The following HUWE1 variants were observed in gnomAD, a reference collection of about 807,000 sequenced individuals.
HUWE1 encodes the protein E3 ubiquitin-protein ligase HUWE1.
HUWE1 carries 18 observed loss-of-function variants against 299.4 expected under a neutral mutation model. The observed-to-expected ratio is 0.06, with a 90% CI of 0.04 to 0.09. HUWE1 has a LOEUF of 0.09. HUWE1 is among the 10% of genes least tolerant of loss of function. The pLI, the probability that HUWE1 is intolerant of heterozygous loss-of-function variation, is 1.00. For missense variants in HUWE1, 1,832 were observed against 3,462.3 expected (o/e 0.53, Z 11.82); for synonymous variants, 1,317 against 1,286.1 (o/e 1.02, Z -0.51).
Position 53,551,428 on chromosome X carries a change from A to C in HUWE1, c.8934T>G (p.Asp2978Glu). The change falls in exon 64 of 84, where the codon GAT (aspartate) becomes GAG (glutamate). Residue 2978 changes from aspartate to glutamate, a missense_variant. Coordinates refer to ENST00000262854, the MANE Select transcript of HUWE1 (RefSeq NM_031407.7). ...VDPSFLAALP[D>E]DIRREVLQNQ... ...TCTGTAGAACTTCCCGACGGATGTCATCAGGCAGGGCAGCCAGAAAAGAGG... is the reference window on the plus strand; with the variant it reads ...TCTGTAGAACTTCCCGACGGATGTCCTCAGGCAGGGCAGCCAGAAAAGAGG... The C allele has an allele frequency of 8.3e-7, 1 of 1,208,404 alleles. No homozygotes were observed. The highest frequency in any genetic ancestry group is 1.1e-6 in the Non-Finnish European group (1 of 893,709).
intron 3 of HUWE1, among the ~76,000 whole-genome samples, chrX:53,655,615 A>G (rs1235037593): frequency 1.8e-5 from 2 of 112,044 alleles, no homozygotes; most frequent in Admixed American, 9.4e-5. Context: ...AATCCTGTCC[A>G]TGTGGTGGAA....
Position 53,592,755 on chromosome X carries a change from T to C in HUWE1, c.3742-127A>G, listed in dbSNP as rs782562465. The C allele has an allele frequency of 7.5e-6, 4 of 533,097 alleles. No homozygotes were observed. In the East Asian group the frequency reaches 1.4e-4, roughly 19 times the overall value. The allele number at this position is 533,097 out of a possible 1,213,427, so 43.9% of individuals were successfully genotyped here. A position where few individuals can be genotyped will look rare whatever the true frequency, so the allele number is the denominator to read the frequency against. ...CCAGCAACAAAATAATTGGCCAACA[T>C]GAGGAGGTCTAAGGAGGCACAGAGA... On this transcript the variant is annotated intron_variant, in intron 32 of 83. Coordinates refer to ENST00000262854, the MANE Select transcript of HUWE1 (RefSeq NM_031407.7).
At chrX:53,641,411 T>C (rs1332440617) in intron 7 of HUWE1, among the ~76,000 whole-genome samples, 2 of 112,079 alleles carry the variant, frequency 1.8e-5, no homozygotes, top group Non-Finnish European at 3.8e-5. Context: ...CTTAATCAAT[T>C]TGACTGATTT....
At chrX:53,582,495 AATACTT>A (rs2063669519) in intron 42 of HUWE1, among the ~76,000 whole-genome samples, 2 of 112,604 alleles carry the variant, frequency 1.8e-5, no homozygotes. Flanking sequence ...CAAGTTAAAA[AATACTT>A]GTAATGCCTT....
chrX:53,600,422 T>C (rs2064758681), intron 28 of HUWE1, 113 bp from the exon 29 acceptor site: 4 of 576,281 alleles, frequency 6.9e-6, no homozygotes, highest in Non-Finnish European at 1.1e-5. Context: ...TCAATTCCCA[T>C]GGCTTCCTAA....
intron 23 of HUWE1, among the ~76,000 whole-genome samples, chrX:53,611,735 G>C (rs2065482830): frequency 9.1e-6 from 1 of 109,804 alleles, no homozygotes. Flanking sequence ...GCACGTGTCT[G>C]TAATCCCAGC....
chrX:53,601,285 G>A (rs2064822489), intron 28 of HUWE1, among the ~76,000 whole-genome samples: 1 of 108,934 alleles, frequency 9.2e-6, no homozygotes, highest in African/African-American at 3.4e-5. Context: ...GGGCTCAAGC[G>A]ATCCTCCCAC....
chrX:53,681,109 TA>T (rs1196189323), intron 2 of HUWE1, among the ~76,000 whole-genome samples: 145 of 107,895 alleles, frequency 1.3e-3, no homozygotes, highest in Non-Finnish European at 1.9e-3. Context: ...TAGAATTAGT[TA>T]AAAAAAAAAT....
In HUWE1 at chrX:53,545,021, C is replaced by T. The variant is rs1556921541; in HGVS notation, c.11048+8G>A. On this transcript the variant is annotated splice_region_variant and intron_variant, in intron 71 of 83. Coordinates refer to ENST00000262854, the MANE Select transcript of HUWE1 (RefSeq NM_031407.7). The stretch of plus-strand genomic sequence containing the variant: ...CAAGCCCCCAGCCAAAGGGTGGCTA[C>T]CACCCACCTGCTCTGCATTTTGCCC... 8.3e-7 allele frequency: 1 copy of T among 1,209,733 alleles called. No homozygotes were observed. Among genetic ancestry groups the T allele is most frequent in the African/African-American group, 1.7e-5 (1 of 57,865 alleles).
In HUWE1 at chrX:53,536,142, C is replaced by T; in HGVS notation, c.12531+5G>A. 2.6e-6 allele frequency: 3 copies of T among 1,143,718 alleles called. No homozygotes were observed. The highest frequency in any genetic ancestry group is 1.8e-5 in the African/African-American group (1 of 56,376). 94.3% of individuals were successfully genotyped at this position (1,143,718 alleles called of 1,213,427 possible). A position where few individuals can be genotyped will look rare whatever the true frequency, so the allele number is the denominator to read the frequency against. ...ATGTGCTGTGATTAGGATTTCCTGACCTACCTCAGTGCTGAAGGTGAGGTC... is the reference window on the plus strand; with the variant it reads ...ATGTGCTGTGATTAGGATTTCCTGATCTACCTCAGTGCTGAAGGTGAGGTC... On this transcript the variant is annotated splice_donor_5th_base_variant and intron_variant, in intron 80 of 83. Transcript: ENST00000262854.
At chrX:53,609,368 G>A (rs2065319462) in intron 23 of HUWE1, among the ~76,000 whole-genome samples, 1 of 112,401 alleles carries the variant, frequency 8.9e-6, no homozygotes, top group African/African-American at 3.2e-5. Context: ...CTTGAAGAAA[G>A]AGGCTAGACA....
intron 22 of HUWE1, among the ~76,000 whole-genome samples, chrX:53,615,528 TA>T (rs1483866224): frequency 9.0e-6 from 1 of 111,694 alleles, no homozygotes; most frequent in Non-Finnish European, 1.9e-5. Flanking sequence ...GCACCCAGGC[TA>T]AAAAAATTTT....
rs1376631053 is a variant in HUWE1 at position 53,680,190 on chromosome X, C to CA, written c.-162-5dup. ...TCAGGTCAGGCTGCTGGAGGACCTA[C>CA]AAAAAAAAAGTTGGGGGAGAGGAGT... On this transcript the variant is annotated splice_polypyrimidine_tract_variant and splice_region_variant and intron_variant, in intron 2 of 83. Coordinates refer to ENST00000262854, the MANE Select transcript of HUWE1 (RefSeq NM_031407.7). 1.8e-3 allele frequency: 527 copies of CA among 286,801 alleles called. 2 individuals carry two copies. Among genetic ancestry groups the CA allele is most frequent in the African/African-American group, 0.014 (494 of 35,675 alleles). The allele number at this position is 286,801 out of a possible 1,213,427, so 23.6% of individuals were successfully genotyped here.
intron 43 of HUWE1, among the ~76,000 whole-genome samples, chrX:53,578,291 G>A (rs1556961548): frequency 9.3e-6 from 1 of 107,742 alleles, no homozygotes; most frequent in Non-Finnish European, 1.9e-5. Flanking sequence ...CCGTCCGGCA[G>A]CCACCCCGTC....
chrX:53,570,078 T>A (rs1342873467), intron 47 of HUWE1, among the ~76,000 whole-genome samples: 1 of 112,578 alleles, frequency 8.9e-6, no homozygotes, highest in Admixed American at 9.4e-5. Context: ...GTAGATGTCA[T>A]GTATTTTTAA....
At chrX:53,561,307 G>A (rs1216388256) in intron 55 of HUWE1, among the ~76,000 whole-genome samples, 2 of 111,990 alleles carry the variant, frequency 1.8e-5, no homozygotes, top group African/African-American at 6.5e-5. Context: ...TCGTTCTCCC[G>A]AAAAGACGCA....
In HUWE1 at chrX:53,533,180, A is replaced by G. The variant is rs973790687; in HGVS notation, c.*129T>C. On this transcript the variant is annotated 3_prime_UTR_variant, in exon 84 of 84. Coordinates refer to ENST00000262854, the MANE Select transcript of HUWE1 (RefSeq NM_031407.7). ...CGCTGGGGAAGATGGGGCAGCTGGG[A>G]CACACACGGTGAGTTGGTGGATTTC... 69 of 499,444 alleles carry G rather than the reference A, an allele frequency of 1.4e-4. No homozygotes were observed. Among genetic ancestry groups the G allele is most frequent in the African/African-American group, 1.3e-3 (56 of 41,846 alleles). 41.2% of individuals were successfully genotyped at this position (499,444 alleles called of 1,213,427 possible).
chrX:53,592,566 T>C lies in HUWE1; in HGVS notation c.3804A>G (p.Arg1268=), dbSNP rs1556980283. The change falls in exon 33 of 84, where the codon CGA becomes CGG. Residue 1268 remains arginine, a synonymous_variant. Transcript: ENST00000262854. ...NRKPLKVYGG[R]MAESMLAILC... is the part of the protein sequence containing the mutation. Reference sequence around the variant, plus strand: ...GAATGGCCAGCATCGATTCAGCCATTCGTCCACCATATACCTTCAGGGGTT... The same window carrying C: ...GAATGGCCAGCATCGATTCAGCCATCCGTCCACCATATACCTTCAGGGGTT... 1 of 1,211,539 alleles carries C rather than the reference T, an allele frequency of 8.3e-7. No homozygotes were observed.
At chrX:53,632,865 A>G in intron 8 of HUWE1, among the ~76,000 whole-genome samples, 1 of 112,152 alleles carries the variant, frequency 8.9e-6, no homozygotes, top group Non-Finnish European at 1.9e-5. Context: ...GCTATTCCCA[A>G]GGGGGAAAAG....
Sources: allele counts gnomAD v4.1 joint callset (sites outside exome capture counted in the v4.1 genomes callset), GRCh38; gene constraint gnomAD v4.1.1; transcripts MANE v1.5; gene names NCBI Gene and HGNC (gene_info 2026-07-23, HGNC 2026-07-21).